EYA4: variants seen among roughly 807,000 people sequenced by gnomAD.
EYA4 encodes EYA transcriptional coactivator and phosphatase 4.
Under a neutral mutation model 87.9 loss-of-function variants are expected in EYA4, and 31 were observed. The ratio of observed to expected loss-of-function variants is 0.35; its 90% CI spans 0.27 to 0.48. The LOEUF (loss-of-function observed/expected upper bound fraction) is 0.48, where lower values mean the gene tolerates loss of function less well. EYA4 is among the 20% of genes least tolerant of loss of function. The pLI, the probability that EYA4 is intolerant of heterozygous loss-of-function variation, is 0.99. For synonymous variants in EYA4, 263 were observed against 270.6 expected, an observed-to-expected ratio of 0.97 and a Z score of 0.28; for missense variants, 678 against 761.4, an observed-to-expected ratio of 0.89 and a Z score of 1.29.
chr6:133,375,850 G>T (rs1005946381), intron 2 of EYA4, among the ~76,000 whole-genome samples: 4 of 151,530 alleles, frequency 2.6e-5, no homozygotes, highest in African/African-American at 9.7e-5. Context: ...TTTTATTTTC[G>T]CTAAATTAGA....
chr6:133,353,139 A>G (rs1196925025), intron 2 of EYA4, among the ~76,000 whole-genome samples: 1 of 152,168 alleles, frequency 6.6e-6, no homozygotes, highest in Non-Finnish European at 1.5e-5. Flanking sequence ...ATTCTCCCAC[A>G]ATGAAGATAA....
chr6:133,329,861 G>T (rs974706107), intron 2 of EYA4, among the ~76,000 whole-genome samples: 1 of 152,034 alleles, frequency 6.6e-6, no homozygotes, highest in Non-Finnish European at 1.5e-5. Flanking sequence ...ATGGTGACGT[G>T]ATGTCAAATA....
chr6:133,477,349 G>T (rs1795833842), intron 11 of EYA4, among the ~76,000 whole-genome samples: 1 of 151,990 alleles, frequency 6.6e-6, no homozygotes, highest in Admixed American at 6.6e-5. Flanking sequence ...GTTTTAATTT[G>T]CATTTCTTTG....
At chr6:133,397,785 A>G (rs1477553544) in intron 3 of EYA4, among the ~76,000 whole-genome samples, 5 of 152,202 alleles carry the variant, frequency 3.3e-5, no homozygotes, top group Non-Finnish European at 2.9e-5. Flanking sequence ...GGCAAAAGGC[A>G]TGTGTCACAT....
intron 2 of EYA4, among the ~76,000 whole-genome samples, chr6:133,379,659 A>G (rs376062293): frequency 4.6e-5 from 7 of 152,224 alleles, no homozygotes; most frequent in East Asian, 1.9e-4. Context: ...AGTTCACCCC[A>G]TGGCTCCTGT....
intron 3 of EYA4, among the ~76,000 whole-genome samples, chr6:133,416,623 T>A (rs919022976): frequency 1.3e-5 from 2 of 152,216 alleles, no homozygotes; most frequent in African/African-American, 4.8e-5. Flanking sequence ...ATTACGTATA[T>A]ATTATATTAC....
intron 3 of EYA4, among the ~76,000 whole-genome samples, chr6:133,425,589 C>T (rs1405147052): frequency 6.6e-6 from 1 of 150,744 alleles, no homozygotes; most frequent in Non-Finnish European, 1.5e-5. Flanking sequence ...GAGTTCAAAA[C>T]CTGAATTATT....
intron 17 of EYA4, among the ~76,000 whole-genome samples, chr6:133,516,971 T>C (rs1799653155): frequency 6.6e-6 from 1 of 152,206 alleles, no homozygotes; most frequent in African/African-American, 2.4e-5. Context: ...AGTGCTGCAG[T>C]GAACATGTGT....
chr6:133,509,655 T>C (rs1354998914), intron 14 of EYA4, among the ~76,000 whole-genome samples: 1 of 152,122 alleles, frequency 6.6e-6, no homozygotes, highest in Non-Finnish European at 1.5e-5. Context: ...AGAAAAGAAG[T>C]CTCAGGAAGT....
chr6:133,350,466 C>G (rs934728156), intron 2 of EYA4, among the ~76,000 whole-genome samples: 1 of 152,040 alleles, frequency 6.6e-6, no homozygotes, highest in Admixed American at 6.5e-5. Context: ...CTTTTGAGCA[C>G]AGACCAGTTG....
intron 2 of EYA4, among the ~76,000 whole-genome samples, chr6:133,304,170 C>G (rs1362167839): frequency 6.6e-6 from 1 of 152,166 alleles, no homozygotes; most frequent in Non-Finnish European, 1.5e-5. Context: ...TTGTGGCCAT[C>G]ATTTAGCTCA....
intron 2 of EYA4, among the ~76,000 whole-genome samples, chr6:133,313,788 C>G (rs1009443050): frequency 6.6e-6 from 1 of 152,058 alleles, no homozygotes; most frequent in African/African-American, 2.4e-5. Context: ...TGTTTTCTGT[C>G]AGTTTCATTC....
At chr6:133,337,402 A>C (rs2128398609) in intron 2 of EYA4, among the ~76,000 whole-genome samples, 1 of 152,326 alleles carries the variant, frequency 6.6e-6, no homozygotes, top group African/African-American at 2.4e-5. Context: ...TAAGACAGAG[A>C]GGGATTTAAT....
intron 1 of EYA4, among the ~76,000 whole-genome samples, chr6:133,243,582 T>C (rs113167122): frequency 1.0e-3 from 156 of 152,172 alleles, no homozygotes; most frequent in African/African-American, 3.4e-3. Context: ...TTTTTGTTTT[T>C]AAAACCTTAG....
Position 133,368,135 on chromosome 6 carries a change from G to A in EYA4, c.34-14257G>A, listed in dbSNP as rs539509876. On this transcript the variant is annotated intron_variant, in intron 2 of 19. Transcript: ENST00000355286. ...TTTCTCTGTTTCTAGGAACACTTTG[G>A]TGTCCTGGTGTAAGCTGAGATAAAG... Among the ~76,000 whole-genome samples the A allele has an allele frequency of 2.6e-5, 4 of 152,274 alleles. No individual in the cohort carries two copies. In the South Asian group the frequency reaches 8.3e-4, roughly 32 times the overall value.
chr6:133,242,230 C>T (rs1774008803), intron 1 of EYA4, among the ~76,000 whole-genome samples: 1 of 152,324 alleles, frequency 6.6e-6, no homozygotes, highest in African/African-American at 2.4e-5. Context: ...CAGAGTCCTT[C>T]GGAGGGTCAC....
At chr6:133,279,192 T>G (rs1307937742) in intron 2 of EYA4, among the ~76,000 whole-genome samples, 1 of 152,172 alleles carries the variant, frequency 6.6e-6, no homozygotes, top group Non-Finnish European at 1.5e-5. Context: ...TTATTAATGT[T>G]AAGTATTGTA....
chr6:133,509,416 A>AT (rs1355597195), intron 14 of EYA4, among the ~76,000 whole-genome samples: 1 of 149,784 alleles, frequency 6.7e-6, no homozygotes, highest in Non-Finnish European at 1.5e-5. Flanking sequence ...AAAAAAAAAA[A>AT]CCGAACCATC....
chr6:133,252,941 A>G (rs1775020236), intron 1 of EYA4, among the ~76,000 whole-genome samples: 1 of 73,956 alleles, frequency 1.4e-5, no homozygotes. Flanking sequence ...AGGTACTTGA[A>G]AACACACACA....
Sources: gnomAD v4.1 joint callset for allele counts (sites outside exome capture counted in the v4.1 genomes callset) on GRCh38, gnomAD v4.1.1 for gene constraint, MANE v1.5 for transcripts, NCBI Gene and HGNC (gene_info 2026-07-23, HGNC 2026-07-21) for gene names.